The following RBM45 variants were observed in gnomAD, a reference collection of about 807,000 sequenced individuals.
RBM45 encodes the protein RNA-binding protein 45.
Under a neutral mutation model 58.5 loss-of-function variants are expected in RBM45, and 39 were observed. That is an observed-to-expected ratio of 0.67 (90% CI 0.52 to 0.87). The LOEUF is 0.87. Among genes scored for constraint, RBM45 ranks in the 40% least tolerant of loss-of-function variants. RBM45 has a pLI of 0.00. For missense variants in RBM45, 481 were observed against 581.6 expected (o/e 0.83, Z 1.78); for synonymous variants, 193 against 203.0 (o/e 0.95, Z 0.42).
At chr2:178,121,475 G>T (rs1010963146) in intron 5 of RBM45, 116 bp downstream of exon 5, 22 of 489,624 alleles carry the variant, frequency 4.5e-5, no homozygotes, top group Non-Finnish European at 6.4e-5. Context: ...TTCTCTAGTG[G>T]CACTTTTATG....
At chr2:178,122,229 TA>T (rs2087862305) in intron 5 of RBM45, among the ~76,000 whole-genome samples, 1 of 150,602 alleles carries the variant, frequency 6.6e-6, no homozygotes. Flanking sequence ...TCAGTAAATC[TA>T]AGGGGTTTTT....
downstream of RBM45, among the ~76,000 whole-genome samples, chr2:178,133,416 G>A (rs907273355): frequency 6.6e-6 from 1 of 152,192 alleles, no homozygotes; most frequent in African/African-American, 2.4e-5. Flanking sequence ...TGTTTTAAAT[G>A]ACAAAGGAGT....
chr2:178,133,887 C>T (rs1193037613), downstream of RBM45: 1 of 152,082 alleles, frequency 6.6e-6, no homozygotes, highest in Non-Finnish European at 1.5e-5. Flanking sequence ...ACACATGGAT[C>T]CTGGGAACTG....
intron 1 of RBM45, among the ~76,000 whole-genome samples, chr2:178,113,722 G>GA (rs1361415758): frequency 6.6e-6 from 1 of 152,164 alleles, no homozygotes; most frequent in Non-Finnish European, 1.5e-5. Context: ...TACTCCCTGT[G>GA]ATCTCAAATC....
chr2:178,127,711 A>C (rs1192841661), intron 9 of RBM45, among the ~76,000 whole-genome samples: 4 of 152,374 alleles, frequency 2.6e-5, no homozygotes, highest in African/African-American at 9.6e-5. Context: ...ATAAAATGTT[A>C]AGAATGAATT....
At chr2:178,122,406 C>T (rs924075116) in intron 5 of RBM45, among the ~76,000 whole-genome samples, 4 of 152,130 alleles carry the variant, frequency 2.6e-5, no homozygotes, top group African/African-American at 9.7e-5. Context: ...GGTAACTCCA[C>T]CCTTCATACA....
intron 3 of RBM45, among the ~76,000 whole-genome samples, chr2:178,119,609 T>C (rs2087822937): frequency 6.6e-6 from 1 of 152,224 alleles, no homozygotes; most frequent in South Asian, 2.1e-4. Context: ...ACTGTATTAA[T>C]GATAGATTTC....
At chr2:178,130,503 G>C (rs1287363052), downstream of RBM45, among the ~76,000 whole-genome samples, 2 of 152,048 alleles carry the variant, frequency 1.3e-5, no homozygotes, top group African/African-American at 4.8e-5. Context: ...CTGGACAACA[G>C]AGCAAGACCC....
Position 178,124,228 on chromosome 2 carries a change from A to G in RBM45, c.1170A>G (p.Glu390=). 1 of 1,607,952 alleles carries G rather than the reference A, an allele frequency of 6.2e-7. No homozygotes were observed. Among genetic ancestry groups the G allele is most frequent in the Middle Eastern group, 1.7e-4 (1 of 6,032 alleles). The change falls in exon 8 of 10, where the codon GAA becomes GAG. Residue 390 remains glutamate (E), a synonymous_variant. Coordinates refer to ENST00000286070, the MANE Select transcript of RBM45 (RefSeq NM_152945.4). Reference sequence around the variant, plus strand: ...CTCCTGCTGAAACTCCTGTGAAAGAAAGACTTTTTATTGTGTTTAATCCTC... The same window carrying G: ...CTCCTGCTGAAACTCCTGTGAAAGAGAGACTTTTTATTGTGTTTAATCCTC... ...KKAPAETPVK[E]RLFIVFNPHP... is the part of the protein sequence containing the mutation.
chr2:178,131,187 A>G (rs577274656), downstream of RBM45, among the ~76,000 whole-genome samples: 2 of 152,334 alleles, frequency 1.3e-5, no homozygotes, highest in Non-Finnish European at 2.9e-5. Context: ...GTTATCCCAA[A>G]CTCATTTACT....
At chr2:178,136,051 C>T (rs1353070883) in intron 3 of RBM45, among the ~76,000 whole-genome samples, 1 of 152,196 alleles carries the variant, frequency 6.6e-6, no homozygotes, top group Non-Finnish European at 1.5e-5. Flanking sequence ...TGGCTCACGC[C>T]TGTAATCCCA....
exon 4 of RBM45, chr2:178,136,705 A>G: frequency 6.6e-6 from 1 of 152,364 alleles, no homozygotes; most frequent in Non-Finnish European, 1.5e-5. Flanking sequence ...CTTTGCCCTG[A>G]GAACTTTGAT....
chr2:178,122,959 A>G (rs909073866), intron 5 of RBM45, among the ~76,000 whole-genome samples: 1 of 152,114 alleles, frequency 6.6e-6, no homozygotes. Flanking sequence ...CACCCTCCTA[A>G]ATTGAAATTC....
chr2:178,131,633 T>A (rs1432662168), downstream of RBM45, among the ~76,000 whole-genome samples: 1 of 152,228 alleles, frequency 6.6e-6, no homozygotes, highest in Non-Finnish European at 1.5e-5. Flanking sequence ...TGAATCCTAG[T>A]ATAAATTCTA....
rs1407747439 is a variant in RBM45 at position 178,129,492 on chromosome 2, A to G, written c.*104A>G. On this transcript the variant is annotated 3_prime_UTR_variant, in exon 10 of 10. Transcript: ENST00000286070. ...ACAGTTGACAGCTTTTTTTTTTTCC[A>G]TATACCTGATAGTCTGTGTACAGCA... 1 of 152,156 alleles carries G rather than the reference A, an allele frequency of 6.6e-6. No homozygotes were observed. Among genetic ancestry groups the G allele is most frequent in the African/African-American group, 2.4e-5 (1 of 41,322 alleles). 9.4% of individuals were successfully genotyped at this position (152,156 alleles called of 1,614,324 possible). A position where few individuals can be genotyped will look rare whatever the true frequency, so the allele number is the denominator to read the frequency against.
At chr2:178,127,994 CTTTTTTTTTT>C (rs3067447) in intron 9 of RBM45, among the ~76,000 whole-genome samples, 3 of 72,514 alleles carry the variant, frequency 4.1e-5, no homozygotes, top group Admixed American at 2.2e-4. Context: ...TCTCTACGCC[CTTTTTTTTTT>C]TTTTTTTTTT....
chr2:178,118,271 C>G, intron 3 of RBM45, 90 bp downstream of exon 3: 9 of 1,216,874 alleles, frequency 7.4e-6, no homozygotes, highest in Non-Finnish European at 1.0e-5. Context: ...TTGCTAATAA[C>G]TGTATCTGCT....
downstream of RBM45, among the ~76,000 whole-genome samples, chr2:178,134,516 T>A (rs981535436): frequency 1.3e-5 from 2 of 152,112 alleles, no homozygotes; most frequent in African/African-American, 4.8e-5. Context: ...AAGACATAGG[T>A]AACAGCATTC....
chr2:178,133,713 G>A (rs952133184), downstream of RBM45: 8 of 152,098 alleles, frequency 5.3e-5, no homozygotes, highest in Non-Finnish European at 5.9e-5. Flanking sequence ...TTCCATATGT[G>A]GATGGTAAGC....
Sources: allele counts gnomAD v4.1 joint callset (sites outside exome capture counted in the v4.1 genomes callset), GRCh38; gene constraint gnomAD v4.1.1; transcripts MANE v1.5; gene names NCBI Gene and HGNC (gene_info 2026-07-23, HGNC 2026-07-21).